SEMA6D: variants seen among roughly 807,000 people sequenced by gnomAD.
SEMA6D encodes semaphorin 6D.
A neutral mutation model predicts 106.6 loss-of-function variants in SEMA6D; 35 were observed. The observed-to-expected ratio is 0.33, with a 90% CI of 0.25 to 0.44. The LOEUF (loss-of-function observed/expected upper bound fraction) is 0.44. Among genes scored for constraint, SEMA6D ranks in the 20% least tolerant of loss-of-function variants. SEMA6D has a pLI of 1.00. For synonymous variants in SEMA6D, 499 were observed against 487.7 expected (o/e 1.02, Z -0.31); for missense variants, 1,185 against 1,345.9 (o/e 0.88, Z 1.87).
intron 4 of SEMA6D, among the ~76,000 whole-genome samples, chr15:47,620,146 C>T (rs187927847): frequency 2.0e-5 from 3 of 152,334 alleles, no homozygotes; most frequent in Admixed American, 1.3e-4. Context: ...AGACAGCAAG[C>T]TTCTGTTAAT....
At chr15:47,705,567 A>G (rs1395697197) in intron 4 of SEMA6D, among the ~76,000 whole-genome samples, 1 of 152,116 alleles carries the variant, frequency 6.6e-6, no homozygotes, top group African/African-American at 2.4e-5. Context: ...TGGCAGTGGG[A>G]TCTAGAATTC....
intron 3 of SEMA6D, among the ~76,000 whole-genome samples, chr15:47,532,728 C>A (rs1014046802): frequency 1.3e-5 from 2 of 152,174 alleles, no homozygotes; most frequent in Non-Finnish European, 2.9e-5. Flanking sequence ...ATACATCCTT[C>A]AAGGCTGCTA....
At chr15:47,538,772 A>C (rs2045259515) in intron 3 of SEMA6D, among the ~76,000 whole-genome samples, 1 of 152,238 alleles carries the variant, frequency 6.6e-6, no homozygotes, top group Admixed American at 6.5e-5. Context: ...ACTGTCAAAA[A>C]ATCTACATAA....
chr15:47,201,873 A>G (rs1018092279), intron 1 of SEMA6D, among the ~76,000 whole-genome samples: 1 of 152,080 alleles, frequency 6.6e-6, no homozygotes, highest in African/African-American at 2.4e-5. Flanking sequence ...TGCCCAGCCC[A>G]GACGGCATGC....
intron 3 of SEMA6D, among the ~76,000 whole-genome samples, chr15:47,495,047 G>T (rs1237974140): frequency 6.6e-6 from 1 of 151,302 alleles, no homozygotes; most frequent in East Asian, 1.9e-4. Flanking sequence ...ACAATGGACA[G>T]TCAATAAAAA....
At chr15:47,308,855 T>C (rs1168072298) in intron 1 of SEMA6D, among the ~76,000 whole-genome samples, 1 of 152,242 alleles carries the variant, frequency 6.6e-6, no homozygotes, top group Non-Finnish European at 1.5e-5. Flanking sequence ...GAAGCTACTC[T>C]AGTTACTTAA....
chr15:47,220,243 C>T (rs992128248), intron 1 of SEMA6D, among the ~76,000 whole-genome samples: 1 of 152,202 alleles, frequency 6.6e-6, no homozygotes, highest in Non-Finnish European at 1.5e-5. Context: ...GCCCTTTCTG[C>T]AAGCGATAAA....
chr15:47,713,075 A>G (rs993948680), upstream of SEMA6D, among the ~76,000 whole-genome samples: 1 of 152,194 alleles, frequency 6.6e-6, no homozygotes, highest in African/African-American at 2.4e-5. Context: ...TGGAAAAACA[A>G]TATTTTTTTA....
At chr15:47,333,715 C>T (rs2037436611) in intron 1 of SEMA6D, among the ~76,000 whole-genome samples, 1 of 152,188 alleles carries the variant, frequency 6.6e-6, no homozygotes, top group African/African-American at 2.4e-5. Context: ...CCCTTAATAT[C>T]ATGGACATTA....
At chr15:47,729,231 T>C (rs966105788) in intron 1 of SEMA6D, among the ~76,000 whole-genome samples, 2 of 152,214 alleles carry the variant, frequency 1.3e-5, no homozygotes, top group Non-Finnish European at 1.5e-5. Context: ...GACTAATCCA[T>C]TGGGGACTTT....
At chr15:47,707,284 A>G (rs1055357361) in intron 4 of SEMA6D, among the ~76,000 whole-genome samples, 1 of 152,208 alleles carries the variant, frequency 6.6e-6, no homozygotes, top group Non-Finnish European at 1.5e-5. Context: ...CTAAGTTTAC[A>G]TGGAGTGGTA....
intron 1 of SEMA6D, among the ~76,000 whole-genome samples, chr15:47,387,232 A>G (rs1490803122): frequency 6.6e-6 from 1 of 152,260 alleles, no homozygotes. Flanking sequence ...GCTCATCTCT[A>G]GCACTCAGTC....
intron 1 of SEMA6D, among the ~76,000 whole-genome samples, chr15:47,269,577 G>C (rs2034467304): frequency 6.6e-6 from 1 of 151,720 alleles, no homozygotes. Context: ...AATTATATCT[G>C]TTTGATATTT....
intron 4 of SEMA6D, among the ~76,000 whole-genome samples, chr15:47,704,856 T>C (rs770550898): frequency 1.8e-4 from 27 of 152,258 alleles, no homozygotes; most frequent in Non-Finnish European, 3.5e-4. Context: ...GTAAGAACTG[T>C]TGGATTTTGA....
intron 1 of SEMA6D, among the ~76,000 whole-genome samples, chr15:47,303,532 T>C (rs960201382): frequency 3.9e-5 from 6 of 152,190 alleles, no homozygotes; most frequent in Non-Finnish European, 5.9e-5. Context: ...TGGATCACCA[T>C]TGGATGTAGT....
intron 1 of SEMA6D, among the ~76,000 whole-genome samples, chr15:47,278,422 T>C (rs994686163): frequency 7.9e-5 from 12 of 152,318 alleles, no homozygotes; most frequent in African/African-American, 2.9e-4. Context: ...TTTTGAGAAG[T>C]GTCTGTTGAT....
At chr15:47,644,810 T>C (rs1324944719) in intron 4 of SEMA6D, among the ~76,000 whole-genome samples, 1 of 152,200 alleles carries the variant, frequency 6.6e-6, no homozygotes, top group East Asian at 1.9e-4. Context: ...CCACATCAAA[T>C]AGTTTATACT....
intron 2 of SEMA6D, among the ~76,000 whole-genome samples, chr15:47,425,147 G>A (rs2041290105): frequency 6.6e-6 from 1 of 152,052 alleles, no homozygotes; most frequent in Non-Finnish European, 1.5e-5. Flanking sequence ...CTGTCATATT[G>A]TGGTGATGAC....
chr15:47,582,716 T>G (rs1435700621), intron 3 of SEMA6D, among the ~76,000 whole-genome samples: 1 of 152,112 alleles, frequency 6.6e-6, no homozygotes, highest in Non-Finnish European at 1.5e-5. Flanking sequence ...AAACAGTCTG[T>G]GATTCTCAGG....
Sources: allele counts gnomAD v4.1 joint callset (sites outside exome capture counted in the v4.1 genomes callset), GRCh38; gene constraint gnomAD v4.1.1; transcripts MANE v1.5; gene names NCBI Gene and HGNC (gene_info 2026-07-23, HGNC 2026-07-21).